Variants in CALU observed in about 807,000 individuals in gnomAD.
The protein encoded by CALU is calumenin.
Under a neutral mutation model 37.5 loss-of-function variants are expected in CALU, and 13 were observed. That is an observed-to-expected ratio of 0.35 (90% CI 0.23 to 0.55). The LOEUF is 0.55. Ranked by LOEUF, CALU falls within the 20% of genes least tolerant of loss-of-function variation. The pLI is 0.89. For missense variants in CALU, 282 were observed against 391.7 expected (o/e 0.72, Z 2.36); for synonymous variants, 114 against 133.8 (o/e 0.85, Z 1.02).
chr7:128,756,602 A>G (rs1432935895), intron 3 of CALU, among the ~76,000 whole-genome samples: 1 of 152,150 alleles, frequency 6.6e-6, no homozygotes, highest in East Asian at 1.9e-4. Flanking sequence ...CCATGAGAGA[A>G]AGGTTAACAC....
At chr7:128,752,655 T>C (rs1800720402) in intron 2 of CALU, among the ~76,000 whole-genome samples, 3 of 152,228 alleles carry the variant, frequency 2.0e-5, no homozygotes, top group Admixed American at 2.0e-4. Context: ...TGTCCTTATG[T>C]CTATGTAGAT....
intron 5 of CALU, among the ~76,000 whole-genome samples, chr7:128,760,208 G>T (rs1801052941): frequency 6.6e-6 from 1 of 151,986 alleles, no homozygotes; most frequent in African/African-American, 2.4e-5. Context: ...AAAAAAGAAA[G>T]AAAGAAAGAT....
Position 128,759,872 on chromosome 7 carries a change from G to A in CALU, c.643+20G>A, listed in dbSNP as rs1203352766. 3.3e-6 allele frequency: 4 copies of A among 1,225,752 alleles called. No homozygotes were observed. The highest frequency in any genetic ancestry group is 4.8e-6 in the Non-Finnish European group (4 of 828,106). The allele number at this position is 1,225,752 out of a possible 1,614,324, so 75.9% of individuals were successfully genotyped here. On this transcript the variant is annotated intron_variant, in intron 5 of 6. Transcript: ENST00000249364. The stretch of plus-strand genomic sequence containing the variant: ...ATATTGGTAAGTCTCTGCTTTTAGT[G>A]TTTTTCTTAGAAAAGCTGAGAAGCT...
At chr7:128,744,196 ACT>A (rs754095992) in intron 1 of CALU, among the ~76,000 whole-genome samples, 58 of 152,164 alleles carry the variant, frequency 3.8e-4, no homozygotes, top group Non-Finnish European at 7.2e-4. Context: ...ACAGAGACAG[ACT>A]CAGTCTCAAC....
Position 128,772,351 on chromosome 7 carries a change from G to GT in CALU, c.*3185dup. The GT allele has an allele frequency of 4.5e-6, 3 of 663,152 alleles. No individual in the cohort carries two copies. The highest frequency in any genetic ancestry group is 7.8e-6 in the Non-Finnish European group (3 of 385,920). The allele number at this position is 663,152 out of a possible 1,614,324, so 41.1% of individuals were successfully genotyped here. Reference sequence around the variant, plus strand: ...CCTTTGGGTGGTCTGAAATAGACCAGTGGAAACAGTAGCTTTGTAGGCAAG... The same window carrying GT: ...CCTTTGGGTGGTCTGAAATAGACCAGTTGGAAACAGTAGCTTTGTAGGCAAG... On this transcript the variant is annotated 3_prime_UTR_variant, in exon 7 of 7. Coordinates refer to ENST00000249364, the MANE Select transcript of CALU (RefSeq NM_001219.5).
intron 2 of CALU, among the ~76,000 whole-genome samples, chr7:128,750,632 A>G (rs145571471): frequency 4.6e-5 from 7 of 152,374 alleles, no homozygotes; most frequent in African/African-American, 1.7e-4. Context: ...TTATACAGTA[A>G]CATACGGTTG....
At chr7:128,767,353 G>A (rs1801375125) in intron 5 of CALU, 103 bp from the exon 6 acceptor site, 1 of 882,948 alleles carries the variant, frequency 1.1e-6, no homozygotes, top group Non-Finnish European at 1.9e-6. Context: ...CTGCTGTTGG[G>A]TTCCAAACAA....
In CALU at chr7:128,768,847, CAAAAAAA is replaced by C. The variant is rs1012831963; in HGVS notation, c.844-201_844-195del. Among the ~76,000 whole-genome samples, 100 of 55,194 alleles carry C rather than the reference CAAAAAAA, an allele frequency of 1.8e-3. 5 individuals carry two copies. Among genetic ancestry groups the C allele is most frequent in the Non-Finnish European group, 1.8e-3 (58 of 31,396 alleles). The allele number at this position is 55,194 out of a possible 152,430, so 36.2% of individuals were successfully genotyped here. A position where few individuals can be genotyped will look rare whatever the true frequency, so the allele number is the denominator to read the frequency against. Reference sequence around the variant, plus strand: ...GGGCAACAAGAGCGAAACTCCGTCTCAAAAAAAAAAAAAAAAAAAAACAAGGAATGTG... The same window carrying C: ...GGGCAACAAGAGCGAAACTCCGTCTCAAAAAAAAAAAAAACAAGGAATGTG... On this transcript the variant is annotated intron_variant, in intron 6 of 6. Coordinates refer to ENST00000249364, the MANE Select transcript of CALU (RefSeq NM_001219.5).
At chr7:128,757,067 G>A (rs1441500498) in intron 3 of CALU, among the ~76,000 whole-genome samples, 1 of 151,304 alleles carries the variant, frequency 6.6e-6, no homozygotes, top group Admixed American at 6.6e-5. Context: ...CACAGAACAA[G>A]GACCTGACTA....
At chr7:128,746,797 C>A (rs1474555840) in intron 1 of CALU, among the ~76,000 whole-genome samples, 2 of 122,582 alleles carry the variant, frequency 1.6e-5, no homozygotes, top group Non-Finnish European at 3.4e-5. Flanking sequence ...GAGACGGAGT[C>A]TCACTCTGTA....
At chr7:128,766,496 T>G (rs1311055055) in intron 5 of CALU, among the ~76,000 whole-genome samples, 1 of 146,888 alleles carries the variant, frequency 6.8e-6, no homozygotes, top group Non-Finnish European at 1.5e-5. Context: ...TGATATGATC[T>G]CGGCTCACTG....
At chr7:128,767,755 C>G in intron 6 of CALU, 100 bp downstream of exon 6, 2 of 946,558 alleles carry the variant, frequency 2.1e-6, no homozygotes, top group Non-Finnish European at 3.3e-6. Context: ...CATTTAAGGT[C>G]TTAATTAGTC....
rs116351351 is a variant in CALU at position 128,743,416 on chromosome 7, G to A, written c.-12+3984G>A. Among the ~76,000 whole-genome samples the A allele has an allele frequency of 1.7e-3, 263 of 152,162 alleles. 1 individual carries two copies. The highest frequency in any genetic ancestry group is 6.1e-3 in the African/African-American group (252 of 41,518). On this transcript the variant is annotated intron_variant, in intron 1 of 6. Transcript: ENST00000249364. ...GACCAGTATTGTGATCAGTATGTATGGCCCAATGGATACACAAAGATCTTT... is the reference window on the plus strand; with the variant it reads ...GACCAGTATTGTGATCAGTATGTATAGCCCAATGGATACACAAAGATCTTT...
intron 1 of CALU, among the ~76,000 whole-genome samples, chr7:128,747,064 G>A (rs181206738): frequency 4.8e-4 from 73 of 152,146 alleles, no homozygotes; most frequent in African/African-American, 1.6e-3. Context: ...CACTGCGCCC[G>A]GCCCATTCTT....
At chr7:128,757,231 A>G (rs747732721) in intron 3 of CALU, among the ~76,000 whole-genome samples, 2 of 152,332 alleles carry the variant, frequency 1.3e-5, no homozygotes, top group South Asian at 2.1e-4. Flanking sequence ...GTCTTAAAGT[A>G]TAAGTTGTCT....
chr7:128,766,949 T>A (rs1309262116), intron 5 of CALU, among the ~76,000 whole-genome samples: 1 of 152,180 alleles, frequency 6.6e-6, no homozygotes, highest in Non-Finnish European at 1.5e-5. Context: ...AAAATCTATA[T>A]GTGGAACTGA....
rs143404627 is a variant in CALU at position 128,751,586 on chromosome 7, G to A, written c.222-2676G>A. ...TACAACAAATTAAAAAATCAGCTAG[G>A]CATGGTGGCATGTGCCTGTAGTCCC... On this transcript the variant is annotated intron_variant, in intron 2 of 6. Transcript: ENST00000249364. Among the ~76,000 whole-genome samples the A allele has an allele frequency of 3.5e-3, 526 of 152,170 alleles. 3 individuals are homozygous for A. Among genetic ancestry groups the A allele is most frequent in the Non-Finnish European group, 5.7e-3 (387 of 68,010 alleles).
rs1801505621 is a variant in CALU at position 128,770,211 on chromosome 7, A to G, written c.*1044A>G. ...TAAGAAACCCTGAGATTAAAAAAAG[A>G]CTATTTGGATAACTTATAGGAAAGC... On this transcript the variant is annotated 3_prime_UTR_variant, in exon 7 of 7. Transcript: ENST00000249364. The G allele has an allele frequency of 6.6e-6, 1 of 152,610 alleles. No individual in the cohort carries two copies. The highest frequency in any genetic ancestry group is 1.5e-5 in the Non-Finnish European group (1 of 68,032). 9.5% of individuals were successfully genotyped at this position (152,610 alleles called of 1,614,324 possible). A position where few individuals can be genotyped will look rare whatever the true frequency, so the allele number is the denominator to read the frequency against.
chr7:128,744,806 T>C (rs1800369748), intron 1 of CALU, among the ~76,000 whole-genome samples: 1 of 152,050 alleles, frequency 6.6e-6, no homozygotes, highest in Non-Finnish European at 1.5e-5. Flanking sequence ...TGGAGGAGCC[T>C]GTTTAAGGGA....
Sources: gnomAD v4.1 joint callset for allele counts (sites outside exome capture counted in the v4.1 genomes callset) on GRCh38, gnomAD v4.1.1 for gene constraint, MANE v1.5 for transcripts, NCBI Gene and HGNC (gene_info 2026-07-23, HGNC 2026-07-21) for gene names.